The following ABI3BP variants were observed in gnomAD, a reference collection of about 807,000 sequenced individuals.
The protein encoded by ABI3BP is target of Nesh-SH3.
Under a neutral mutation model 268.6 loss-of-function variants are expected in ABI3BP, and 216 were observed. The ratio of observed to expected loss-of-function variants is 0.80; its 90% CI spans 0.72 to 0.90. ABI3BP has a LOEUF of 0.90. ABI3BP is among the 40% of genes least tolerant of loss of function. The pLI is 0.00. For missense variants in ABI3BP, 2,090 were observed against 2,182.4 expected (o/e 0.96, Z 0.84); for synonymous variants, 730 against 730.0 (o/e 1.00, Z 0.00).
At chr3:100,975,768 C>G (rs1222797997) in intron 1 of ABI3BP, among the ~76,000 whole-genome samples, 1 of 151,924 alleles carries the variant, frequency 6.6e-6, no homozygotes, top group East Asian at 1.9e-4. Flanking sequence ...CACAGGGGGC[C>G]TTGTGGTTCC....
At chr3:100,809,227 A>G in intron 49 of ABI3BP, among the ~76,000 whole-genome samples, 1 of 152,022 alleles carries the variant, frequency 6.6e-6, no homozygotes, top group East Asian at 1.9e-4. Flanking sequence ...CACTGGGTCT[A>G]AGGTCTCAGT....
chr3:100,791,956 A>G (rs935008317), intron 55 of ABI3BP, among the ~76,000 whole-genome samples: 1 of 151,704 alleles, frequency 6.6e-6, no homozygotes, highest in East Asian at 1.9e-4. Flanking sequence ...AACTCCCTAA[A>G]TGTTTGCTGG....
chr3:100,912,276 T>TTAAAAAAAA (rs1458968131), intron 2 of ABI3BP: 1 of 24,676 alleles, frequency 4.1e-5, no homozygotes, highest in Non-Finnish European at 6.9e-5. Context: ...CTCTCTTTTG[T>TTAAAAAAAA]AAAAAAAAAA....
chr3:100,774,702 G>T, intron 60 of ABI3BP, 29 bp from the exon 61 acceptor site: 1 of 1,491,932 alleles, frequency 6.7e-7, no homozygotes, highest in Non-Finnish European at 9.0e-7. Flanking sequence ...GAACAGTTTT[G>T]GCAAAAGATA....
chr3:100,813,598 G>C, intron 45 of ABI3BP, 63 bp downstream of exon 45: 2 of 1,231,500 alleles, frequency 1.6e-6, no homozygotes, highest in Non-Finnish European at 2.3e-6. Context: ...ATATAACTTA[G>C]AGAATTACAG....
At chr3:100,987,616 C>T (rs1041476582) in intron 1 of ABI3BP, among the ~76,000 whole-genome samples, 3 of 152,128 alleles carry the variant, frequency 2.0e-5, no homozygotes, top group African/African-American at 7.2e-5. Flanking sequence ...CTAGTAGATG[C>T]TTAATAATCT....
At chr3:100,778,201 G>T (rs1383490369) in intron 59 of ABI3BP, 83 bp downstream of exon 59, 3 of 1,359,928 alleles carry the variant, frequency 2.2e-6, no homozygotes, top group African/African-American at 1.4e-5. Flanking sequence ...TAGTGTGCCT[G>T]TTGCTAGCAC....
chr3:100,768,646 G>A (rs370544021), intron 62 of ABI3BP, among the ~76,000 whole-genome samples: 3 of 152,046 alleles, frequency 2.0e-5, no homozygotes, highest in African/African-American at 7.2e-5. Flanking sequence ...TAGTTTATGC[G>A]GCATATTCAA....
chr3:100,893,234 T>C (rs1582254085), intron 4 of ABI3BP, among the ~76,000 whole-genome samples: 1 of 152,304 alleles, frequency 6.6e-6, no homozygotes, highest in South Asian at 2.1e-4. Flanking sequence ...CTCTTGGGTC[T>C]TCAGCCACAG....
intron 49 of ABI3BP, among the ~76,000 whole-genome samples, chr3:100,808,986 T>C (rs1300650501): frequency 2.6e-5 from 4 of 152,092 alleles, no homozygotes; most frequent in Admixed American, 1.3e-4. Context: ...GTCAACGTCA[T>C]GTAGTTTCAG....
intron 34 of ABI3BP, 139 bp from the exon 35 acceptor site, chr3:100,825,983 T>C: frequency 1.5e-6 from 1 of 674,866 alleles, no homozygotes; most frequent in East Asian, 2.7e-5. Flanking sequence ...GACTGAATTA[T>C]ATTTCCACCC....
intron 1 of ABI3BP, among the ~76,000 whole-genome samples, chr3:100,954,401 T>C (rs957908979): frequency 7.9e-5 from 12 of 152,324 alleles, no homozygotes; most frequent in Middle Eastern, 3.4e-3. Flanking sequence ...ACTGGCTCAC[T>C]ATCAGTCACG....
Position 100,805,684 on chromosome 3 carries a change from A to G in ABI3BP, c.3683-818T>C, listed in dbSNP as rs72932503. Among the ~76,000 whole-genome samples the G allele has an allele frequency of 4.7e-3, 711 of 152,128 alleles. 8 individuals are homozygous for G. Among genetic ancestry groups the G allele is most frequent in the African/African-American group, 0.017 (687 of 41,512 alleles). On this transcript the variant is annotated intron_variant, in intron 50 of 67. Transcript: ENST00000471714. ...AAGTACCAGAGTCAGGACTTGAACCAAATGCTGAGGATCAAACATTATCAA... is the reference window on the plus strand; with the variant it reads ...AAGTACCAGAGTCAGGACTTGAACCGAATGCTGAGGATCAAACATTATCAA...
At chr3:100,766,081 G>A in intron 62 of ABI3BP, 132 bp from the exon 63 acceptor site, 1 of 633,350 alleles carries the variant, frequency 1.6e-6, no homozygotes, top group East Asian at 2.8e-5. Flanking sequence ...GAGACATATT[G>A]ATCTTACACA....
Position 100,792,705 on chromosome 3 carries a change from G to T in ABI3BP, c.4010C>A (p.Ala1337Glu), listed in dbSNP as rs758522008. ...TTKIPRTTEL[A>E]KTTQAPHRFY... ...GAGAGGATTACCCTGAGTTGTCTTT[G>T]CTAGTTCAGTTGTTCGTGGAATCTT... Residue 1337 changes from alanine to glutamate, a missense_variant, in exon 55 of 68, where the codon GCA becomes GAA. Transcript: ENST00000471714. 1 of 1,611,486 alleles carries T rather than the reference G, an allele frequency of 6.2e-7. No homozygotes were observed. The highest frequency in any genetic ancestry group is 8.5e-7 in the Non-Finnish European group (1 of 1,178,248).
intron 1 of ABI3BP, among the ~76,000 whole-genome samples, chr3:100,957,351 T>C (rs1394179132): frequency 2.0e-5 from 3 of 152,164 alleles, no homozygotes; most frequent in Non-Finnish European, 4.4e-5. Context: ...TGGGAAAGAC[T>C]ACAGGACAGG....
chr3:100,840,889 G>A, intron 21 of ABI3BP, 31 bp from the exon 22 acceptor site: 2 of 1,517,966 alleles, frequency 1.3e-6, no homozygotes, highest in Non-Finnish European at 1.8e-6. Context: ...CACCAAGAAA[G>A]AATCAAGATC....
intron 51 of ABI3BP, among the ~76,000 whole-genome samples, chr3:100,799,355 A>G (rs887438138): frequency 6.6e-6 from 1 of 152,212 alleles, no homozygotes; most frequent in East Asian, 1.9e-4. Flanking sequence ...ATAGCAAAAC[A>G]TAACTTGTAC....
chr3:100,991,388 G>T (rs2092892130), intron 1 of ABI3BP, among the ~76,000 whole-genome samples: 1 of 152,124 alleles, frequency 6.6e-6, no homozygotes, highest in African/African-American at 2.4e-5. Context: ...CTATGGAAAA[G>T]AGGATTCTTA....
Sources: allele counts gnomAD v4.1 joint callset (sites outside exome capture counted in the v4.1 genomes callset), GRCh38; gene constraint gnomAD v4.1.1; transcripts MANE v1.5; gene names NCBI Gene and HGNC (gene_info 2026-07-23, HGNC 2026-07-21).